The following CNTN6 variants were observed in gnomAD, a reference collection of about 807,000 sequenced individuals.
CNTN6 encodes the protein contactin-6.
Under a neutral mutation model 122.8 loss-of-function variants are expected in CNTN6, and 137 were observed. The ratio of observed to expected loss-of-function variants is 1.12; its 90% CI spans 0.97 to 1.29. The LOEUF is 1.29. CNTN6 is among the 50% of genes most tolerant of loss of function. The probability of loss-of-function intolerance (pLI) is 0.00; values close to 1 mark genes in which losing one functional copy is unlikely to be tolerated. For missense variants in CNTN6, 1,634 were observed against 1,223.4 expected, an observed-to-expected ratio of 1.34 and a Z score of -5.01; for synonymous variants, 570 against 426.0, an observed-to-expected ratio of 1.34 and a Z score of -4.16.
chr3:1,372,709 G>T lies in CNTN6; in HGVS notation c.1669-129G>T. The T allele has an allele frequency of 4.4e-6, 3 of 688,474 alleles. No individual in the cohort carries two copies. In the South Asian group the frequency reaches 6.0e-5, roughly 14 times the overall value. 42.6% of individuals were successfully genotyped at this position (688,474 alleles called of 1,614,324 possible). A position where few individuals can be genotyped will look rare whatever the true frequency, so the allele number is the denominator to read the frequency against. The stretch of plus-strand genomic sequence containing the variant: ...ATAAAAGGGTTTAGATACAAGAAAT[G>T]ACAATGATACTAGTATATCTTTTAA... On this transcript the variant is annotated intron_variant, in intron 13 of 22. Coordinates refer to ENST00000446702, the MANE Select transcript of CNTN6 (RefSeq NM_001289080.2).
chr3:1,197,523 ATAAAT>A (rs1223727645), intron 2 of CNTN6, among the ~76,000 whole-genome samples: 15 of 152,352 alleles, frequency 9.8e-5, no homozygotes, highest in South Asian at 4.1e-4. Flanking sequence ...TAAGGAGCTC[ATAAAT>A]TAAAAGTAAA....
intron 2 of CNTN6, among the ~76,000 whole-genome samples, chr3:1,162,881 T>C (rs1407877058): frequency 6.6e-6 from 1 of 152,198 alleles, no homozygotes; most frequent in Non-Finnish European, 1.5e-5. Flanking sequence ...ATTGCTTATA[T>C]TTTTACAACG....
intron 2 of CNTN6, among the ~76,000 whole-genome samples, chr3:1,203,475 C>A (rs1280475654): frequency 6.6e-6 from 1 of 152,078 alleles, no homozygotes; most frequent in African/African-American, 2.4e-5. Context: ...AGGAGAAGTA[C>A]GTGACAGGAA....
chr3:1,156,395 G>A (rs2092962847), intron 2 of CNTN6, among the ~76,000 whole-genome samples: 1 of 152,118 alleles, frequency 6.6e-6, no homozygotes, highest in Non-Finnish European at 1.5e-5. Context: ...CTCATTCTGA[G>A]AAATATATAG....
rs115874715 is a variant in CNTN6, at chr3:1,142,132, T to G, written c.-82-5795T>G. ...TTTGACTTACACATTTATTCCTGGT[T>G]TACTGGCAATTGTGCACATTTATAG... On this transcript the variant is annotated intron_variant, in intron 1 of 22. Transcript: ENST00000446702. Among the ~76,000 whole-genome samples the G allele has an allele frequency of 8.2e-4, 125 of 152,200 alleles. 1 individual carries two copies. In the Middle Eastern group the frequency reaches 0.014, roughly 17 times the overall value.
intron 11 of CNTN6, among the ~76,000 whole-genome samples, chr3:1,337,108 A>T (rs9871270): frequency 0.039 from 5,975 of 152,226 alleles, 395 homozygotes; most frequent in African/African-American, 0.14. Flanking sequence ...GACACAGACA[A>T]GGAACAGAAA....
At chr3:1,348,092 G>A (rs912624421) in intron 11 of CNTN6, among the ~76,000 whole-genome samples, 1 of 134,458 alleles carries the variant, frequency 7.4e-6, no homozygotes, top group East Asian at 2.3e-4. Context: ...CATTTTGAAC[G>A]ATTTATATCA....
chr3:1,144,135 G>A (rs1383249119), intron 1 of CNTN6, among the ~76,000 whole-genome samples: 3 of 152,140 alleles, frequency 2.0e-5, no homozygotes, highest in Non-Finnish European at 4.4e-5. Context: ...AGTATTACGA[G>A]TAAGTGTTAC....
intron 11 of CNTN6, among the ~76,000 whole-genome samples, chr3:1,344,313 A>C (rs77694260): frequency 0.036 from 5,504 of 152,232 alleles, 355 homozygotes; most frequent in African/African-American, 0.12. Context: ...TGGTAGCTTG[A>C]CATCGTAGGT....
chr3:1,277,341 G>GTTTTTTT (rs1559684658), intron 4 of CNTN6, among the ~76,000 whole-genome samples: 17 of 66,062 alleles, frequency 2.6e-4, no homozygotes, highest in Non-Finnish European at 2.8e-4. Flanking sequence ...CTTTTAGTAG[G>GTTTTTTT]TTTTCTTTTT....
chr3:1,396,402 T>A (rs1286201061), intron 20 of CNTN6, among the ~76,000 whole-genome samples: 1 of 152,194 alleles, frequency 6.6e-6, no homozygotes, highest in Non-Finnish European at 1.5e-5. Flanking sequence ...TGAAACAGTG[T>A]TGGAAAAAGT....
intron 16 of CNTN6, among the ~76,000 whole-genome samples, chr3:1,374,847 TA>T (rs1480292646): frequency 2.6e-4 from 40 of 152,018 alleles, no homozygotes; most frequent in African/African-American, 8.7e-4. Flanking sequence ...ATCCTTAAAC[TA>T]AAGATAATGT....
chr3:1,258,258 T>C (rs1199040959), intron 4 of CNTN6, among the ~76,000 whole-genome samples: 1 of 152,142 alleles, frequency 6.6e-6, no homozygotes, highest in Non-Finnish European at 1.5e-5. Flanking sequence ...TCCTCTACTT[T>C]CATTGTAGCA....
intron 4 of CNTN6, among the ~76,000 whole-genome samples, chr3:1,274,540 A>T (rs926135942): frequency 2.0e-5 from 3 of 152,216 alleles, no homozygotes; most frequent in African/African-American, 7.2e-5. Flanking sequence ...CTCAATTTAC[A>T]TATCAGATCT....
chr3:1,261,010 A>C (rs3872628), intron 4 of CNTN6, among the ~76,000 whole-genome samples: 30,151 of 152,142 alleles, frequency 0.2, 3,137 homozygotes, highest in African/African-American at 0.25. Context: ...GTTCAAACTT[A>C]ATGTGAAGTA....
At chr3:1,374,837 A>G (rs919244487) in intron 16 of CNTN6, among the ~76,000 whole-genome samples, 2 of 152,136 alleles carry the variant, frequency 1.3e-5, no homozygotes, top group Non-Finnish European at 2.9e-5. Flanking sequence ...CAATAAATCA[A>G]TCCTTAAACT....
At chr3:1,224,658 G>T (rs1187491481) in intron 3 of CNTN6, among the ~76,000 whole-genome samples, 3 of 151,890 alleles carry the variant, frequency 2.0e-5, no homozygotes, top group Non-Finnish European at 4.4e-5. Flanking sequence ...AACACCAACA[G>T]GCACAAGCGC....
chr3:1,302,833 T>C (rs1697656598), intron 7 of CNTN6, among the ~76,000 whole-genome samples: 1 of 152,208 alleles, frequency 6.6e-6, no homozygotes, highest in South Asian at 2.1e-4. Context: ...CAGGCATGAT[T>C]ACTTCAAACA....
intron 2 of CNTN6, among the ~76,000 whole-genome samples, chr3:1,159,836 C>G (rs116075724): frequency 2.6e-5 from 4 of 151,454 alleles, no homozygotes; most frequent in African/African-American, 7.3e-5. Flanking sequence ...TTTTCCCCCC[C>G]TCAAGACAAA....
Sources: gnomAD v4.1 joint callset for allele counts (sites outside exome capture counted in the v4.1 genomes callset) on GRCh38, gnomAD v4.1.1 for gene constraint, MANE v1.5 for transcripts, NCBI Gene and HGNC (gene_info 2026-07-23, HGNC 2026-07-21) for gene names.